LARP4: variants seen among roughly 807,000 people sequenced by gnomAD.
LARP4 encodes the protein la-related protein 4.
Under a neutral mutation model 92.9 loss-of-function variants are expected in LARP4, and 29 were observed. The observed-to-expected ratio is 0.31, with a 90% confidence interval of 0.23 to 0.43. The LOEUF is 0.43. Among genes scored for constraint, LARP4 ranks in the 20% least tolerant of loss-of-function variants. The pLI, the probability that LARP4 is intolerant of heterozygous loss-of-function variation, is 1.00. For synonymous variants in LARP4, 279 were observed against 284.1 expected, an observed-to-expected ratio of 0.98 and a Z score of 0.18; for missense variants, 732 against 860.0, an observed-to-expected ratio of 0.85 and a Z score of 1.86.
Position 50,466,994 on chromosome 12 carries a change from A to G in LARP4, c.1419A>G (p.Pro473=), listed in dbSNP as rs776457788. Residue 473 remains proline (P), a synonymous_variant, in exon 13 of 16, where the codon CCA becomes CCG. Coordinates refer to ENST00000398473, the MANE Select transcript of LARP4 (RefSeq NM_052879.5). The part of the protein sequence containing the change: ...PHPSTAESKA[P]TPKFDLLASN... ...CTTCAACAGCTGAATCAAAGGCTCC[A>G]ACACCAAAGTTTGACTTATTAGCCT... is the stretch of plus-strand genomic sequence containing the variant. 6.8e-6 allele frequency: 11 copies of G among 1,612,928 alleles called. No homozygotes were observed. Among genetic ancestry groups the G allele is most frequent in the African/African-American group, 1.3e-5 (1 of 74,926 alleles).
chr12:50,443,130 T>G (rs1206081357), intron 8 of LARP4, among the ~76,000 whole-genome samples: 1 of 152,222 alleles, frequency 6.6e-6, no homozygotes, highest in African/African-American at 2.4e-5. Context: ...TTTCCCCATA[T>G]ATGGAAAGAC....
intron 1 of LARP4, among the ~76,000 whole-genome samples, chr12:50,407,791 C>T (rs2136300403): frequency 6.6e-6 from 1 of 152,200 alleles, no homozygotes; most frequent in South Asian, 2.1e-4. Flanking sequence ...TCACTGCACT[C>T]CAGCCTGGGT....
chr12:50,473,561 T>C, intron 14 of LARP4, 25 bp downstream of exon 14: 1 of 1,601,088 alleles, frequency 6.2e-7, no homozygotes, highest in African/African-American at 1.3e-5. Flanking sequence ...ATAGAAGATC[T>C]TCAACATTAA....
In LARP4 at chr12:50,461,121, T is replaced by G; in HGVS notation, c.1122-14T>G. Reference sequence around the variant, plus strand: ...ATTTACTGCTTTGTGTATATCATTTTGTATTTCCTATAGTGTGAAGCCTCA... The same window carrying G: ...ATTTACTGCTTTGTGTATATCATTTGGTATTTCCTATAGTGTGAAGCCTCA... On this transcript the variant is annotated splice_polypyrimidine_tract_variant and intron_variant, in intron 10 of 15. Coordinates refer to ENST00000398473, the MANE Select transcript of LARP4 (RefSeq NM_052879.5). 6.2e-7 allele frequency: 1 copy of G among 1,600,540 alleles called. No homozygotes were observed. The highest frequency in any genetic ancestry group is 1.1e-5 in the South Asian group (1 of 90,790).
intron 4 of LARP4, among the ~76,000 whole-genome samples, chr12:50,432,473 C>T (rs1028583755): frequency 2.6e-5 from 4 of 152,084 alleles, no homozygotes; most frequent in African/African-American, 4.8e-5. Flanking sequence ...TTTTGTGTCA[C>T]CCTAATCTTA....
chr12:50,409,628 A>G (rs1379103746), intron 1 of LARP4, among the ~76,000 whole-genome samples: 2 of 152,034 alleles, frequency 1.3e-5, no homozygotes, highest in Non-Finnish European at 2.9e-5. Flanking sequence ...TTAGGCGGGT[A>G]TAGTGGCACA....
intron 10 of LARP4, among the ~76,000 whole-genome samples, chr12:50,456,282 A>C (rs938116866): frequency 6.6e-6 from 1 of 152,094 alleles, no homozygotes; most frequent in Admixed American, 6.6e-5. Flanking sequence ...TGTTTAGTAC[A>C]TTTTTGCATG....
chr12:50,465,101 G>T (rs560017949), intron 12 of LARP4, among the ~76,000 whole-genome samples: 5 of 152,068 alleles, frequency 3.3e-5, no homozygotes, highest in African/African-American at 1.2e-4. Flanking sequence ...GCCAGGCGTG[G>T]TGTCTCACGC....
At chr12:50,465,793 G>C (rs557941293) in intron 12 of LARP4, among the ~76,000 whole-genome samples, 1 of 152,262 alleles carries the variant, frequency 6.6e-6, no homozygotes, top group African/African-American at 2.4e-5. Flanking sequence ...ACAATTCAAT[G>C]ATATTTTTGT....
chr12:50,430,989 C>T (rs543557133), intron 4 of LARP4, among the ~76,000 whole-genome samples: 12 of 152,048 alleles, frequency 7.9e-5, no homozygotes, highest in African/African-American at 2.7e-4. Flanking sequence ...AGTGTAGGGT[C>T]GGGCGCTGTG....
intron 12 of LARP4, 69 bp from the exon 13 acceptor site, chr12:50,466,890 C>T (rs1402803732): frequency 7.0e-7 from 1 of 1,435,016 alleles, no homozygotes; most frequent in Non-Finnish European, 9.6e-7. Context: ...TTGCACCTTT[C>T]AGCTTCTGTG....
chr12:50,454,002 C>T (rs117170709), intron 9 of LARP4, among the ~76,000 whole-genome samples: 1 of 152,150 alleles, frequency 6.6e-6, no homozygotes, highest in Non-Finnish European at 1.5e-5. Context: ...AAGAGGTGAG[C>T]TATTAGAGCG....
intron 1 of LARP4, among the ~76,000 whole-genome samples, chr12:50,405,055 CTT>C (rs79462398): frequency 2.8e-5 from 4 of 140,702 alleles, no homozygotes; most frequent in African/African-American, 5.2e-5. Context: ...CATGCCTGGC[CTT>C]TTTTTTTTTT....
chr12:50,454,669 T>G (rs1170130756), intron 10 of LARP4: 1 of 327,174 alleles, frequency 3.1e-6, no homozygotes, highest in Non-Finnish European at 5.5e-6. Context: ...GAAAAAATAT[T>G]TCATGACACC....
At chr12:50,436,708 G>A (rs1378964579) in intron 5 of LARP4, among the ~76,000 whole-genome samples, 1 of 152,128 alleles carries the variant, frequency 6.6e-6, no homozygotes, top group East Asian at 1.9e-4. Context: ...TTAAGAGTGG[G>A]TTTTGTTAAC....
chr12:50,466,746 G>A (rs1028314877), intron 12 of LARP4, among the ~76,000 whole-genome samples: 2 of 152,224 alleles, frequency 1.3e-5, no homozygotes, highest in African/African-American at 4.8e-5. Flanking sequence ...AAAAGAAACA[G>A]GTGAGAGAAG....
intron 3 of LARP4, 147 bp from the exon 4 acceptor site, chr12:50,430,348 A>AG (rs1208229303): frequency 8.9e-6 from 5 of 559,550 alleles, no homozygotes; most frequent in Non-Finnish European, 1.6e-5. Context: ...TGGGCAACAA[A>AG]GGGAGACCCT....
At chr12:50,434,882 A>G (rs1327637512) in intron 4 of LARP4, among the ~76,000 whole-genome samples, 1 of 151,978 alleles carries the variant, frequency 6.6e-6, no homozygotes. Context: ...GTCTGTACTA[A>G]AAAATACAAA....
chr12:50,403,973 C>T (rs1944339756), intron 1 of LARP4, among the ~76,000 whole-genome samples: 3 of 152,090 alleles, frequency 2.0e-5, no homozygotes, highest in Non-Finnish European at 4.4e-5. Context: ...CCTGTAATCC[C>T]AGCACTTTGG....
Sources: gnomAD v4.1 joint callset for allele counts (sites outside exome capture counted in the v4.1 genomes callset) on GRCh38, gnomAD v4.1.1 for gene constraint, MANE v1.5 for transcripts, NCBI Gene and HGNC (gene_info 2026-07-23, HGNC 2026-07-21) for gene names.